BRWD1: variants seen among roughly 807,000 people sequenced by gnomAD.
The protein encoded by BRWD1 is bromodomain and WD repeat-containing protein 1.
In BRWD1, 82 loss-of-function variants were observed where a neutral mutation model predicts 251.2. The ratio of observed to expected loss-of-function variants is 0.33; its 90% CI spans 0.27 to 0.39. The LOEUF (loss-of-function observed/expected upper bound fraction) is 0.39. Among genes scored for constraint, BRWD1 ranks in the 10% least tolerant of loss-of-function variants. The pLI is 1.00. For missense variants in BRWD1, 2,233 were observed against 2,711.6 expected (o/e 0.82, Z 3.92); for synonymous variants, 918 against 902.8 (o/e 1.02, Z -0.30).
intron 18 of BRWD1, among the ~76,000 whole-genome samples, chr21:39,258,176 T>A (rs896910464): frequency 6.6e-6 from 1 of 152,206 alleles, no homozygotes; most frequent in African/African-American, 2.4e-5. Context: ...ATTACCAATG[T>A]TAAAGCAAAG....
Position 39,187,083 on chromosome 21 carries a change from A to T in BRWD1, c.*9176T>A, listed in dbSNP as rs1372447379. On this transcript the variant is annotated 3_prime_UTR_variant, in exon 41 of 41. Transcript: ENST00000342449. ...CCCTTAAAAAAAGCATTTTTCTATT[A>T]ATATCTTCTAGCTCTTTTTCACTTT... is the stretch of plus-strand genomic sequence containing the variant. The T allele has an allele frequency of 2.5e-6, 4 of 1,596,038 alleles. No individual in the cohort carries two copies. The highest frequency in any genetic ancestry group is 2.6e-6 in the Non-Finnish European group (3 of 1,175,444).
chr21:39,215,248 T>A lies in BRWD1; in HGVS notation c.3774A>T (p.Leu1258Phe). The change falls in exon 32 of 41, where the codon TTA becomes TTT. Residue 1258 changes from leucine (L) to phenylalanine (F), a missense_variant. By Grantham distance (22) the Leu-to-Phe change is conservative. Transcript: ENST00000342449. ...RSAKKITDQL[L>F]KFIKNQHCTN... ...ATGAAATTACTTACTTGATAAATTTTAAAAGTTGGTCAGTTATCTTTTTAG... is the reference window on the plus strand; with the variant it reads ...ATGAAATTACTTACTTGATAAATTTAAAAAGTTGGTCAGTTATCTTTTTAG... 1 of 1,611,482 alleles carries A rather than the reference T, an allele frequency of 6.2e-7. No individual in the cohort carries two copies. The highest frequency in any genetic ancestry group is 1.1e-5 in the South Asian group (1 of 90,994).
intron 8 of BRWD1, among the ~76,000 whole-genome samples, chr21:39,291,789 T>C (rs1405277795): frequency 1.3e-5 from 2 of 152,214 alleles, no homozygotes; most frequent in African/African-American, 4.8e-5. Context: ...CTGCACACCC[T>C]GTGCTCCATC....
rs2036600851 is a variant in BRWD1 at position 39,313,605 on chromosome 21, C to CGCG, written c.-115_-114insCGC. ...CTCAGGCGCGCGCCGCCGCCGCCGCCGCCGCCGCCATACCGTGCGCGCCGC... is the reference window on the plus strand; with the variant it reads ...CTCAGGCGCGCGCCGCCGCCGCCGCCGCGGCCGCCGCCATACCGTGCGCGCCGC... On this transcript the variant is annotated 5_prime_UTR_variant, in exon 1 of 41. Coordinates refer to ENST00000342449, the MANE Select transcript of BRWD1 (RefSeq NM_033656.4). 4 of 856,612 alleles carry CGCG rather than the reference C, an allele frequency of 4.7e-6. No individual in the cohort carries two copies. The South Asian group carries it at 1.3e-4, about 27-fold the overall frequency. The allele number at this position is 856,612 out of a possible 1,614,324, so 53.1% of individuals were successfully genotyped here. A position where few individuals can be genotyped will look rare whatever the true frequency, so the allele number is the denominator to read the frequency against.
At chr21:39,302,462 T>C (rs555277832) in intron 4 of BRWD1, among the ~76,000 whole-genome samples, 1 of 152,184 alleles carries the variant, frequency 6.6e-6, no homozygotes, top group African/African-American at 2.4e-5. Context: ...TTTTATAATA[T>C]GTGGTAAGGC....
rs1360317308 is a variant in BRWD1 at position 39,196,369 on chromosome 21, G to A, written c.6700C>T (p.Arg2234Cys). The change falls in exon 41 of 41, where the codon CGT becomes TGT. Residue 2234 changes from arginine (R) to cysteine (C), a missense_variant. Coordinates refer to ENST00000342449, the MANE Select transcript of BRWD1 (RefSeq NM_033656.4). ...TGATTTCTCGTTTTTATTTTTGAAC[G>A]TCGAAGAACTCTTTTAGATTTTGCA... is the stretch of plus-strand genomic sequence containing the variant. ...DYAKSKRVLR[R>C]SKIKTRNQGR... is the part of the protein sequence containing the mutation. The A allele has an allele frequency of 2.5e-6, 4 of 1,613,516 alleles. No homozygotes were observed. The highest frequency in any genetic ancestry group is 2.5e-6 in the Non-Finnish European group (3 of 1,179,648).
At chr21:39,316,227 A>G (rs375761420), upstream of BRWD1, among the ~76,000 whole-genome samples, 2 of 152,356 alleles carry the variant, frequency 1.3e-5, no homozygotes, top group East Asian at 3.9e-4. Context: ...AGAAGTATGT[A>G]GGACAGTAAA....
intron 7 of BRWD1, among the ~76,000 whole-genome samples, chr21:39,294,603 G>A (rs144126585): frequency 2.0e-4 from 30 of 151,158 alleles, no homozygotes; most frequent in Admixed American, 3.3e-4. Context: ...TGCAGTGAGC[G>A]GAGATTGCGC....
intron 8 of BRWD1, among the ~76,000 whole-genome samples, chr21:39,289,938 T>C (rs917551319): frequency 6.8e-6 from 1 of 147,624 alleles, no homozygotes; most frequent in Non-Finnish European, 1.5e-5. Flanking sequence ...GGCAGGAGAA[T>C]GGCGTGAACC....
chr21:39,313,298 C>G lies in BRWD1; in HGVS notation c.51G>C (p.Glu17Asp). Reference sequence around the variant, plus strand: ...GGTACCGGGCGATAAGGAAGTACAGCTCTGCGGGAAGACAAGGAGTCAGGT... The same window carrying G: ...GGTACCGGGCGATAAGGAAGTACAGGTCTGCGGGAAGACAAGGAGTCAGGT... ...ARRPVPLIESELYFLIARYLS... is the reference protein window; with the variant it reads ...ARRPVPLIESDLYFLIARYLS... The change falls in exon 2 of 41, where the codon GAG (glutamate) becomes GAC (aspartate). Residue 17 changes from glutamate to aspartate, a missense_variant and splice_region_variant. Physicochemically the swap from Glu to Asp is conservative, Grantham distance 45. Coordinates refer to ENST00000342449, the MANE Select transcript of BRWD1 (RefSeq NM_033656.4). 1.3e-6 allele frequency: 2 copies of G among 1,552,024 alleles called. No homozygotes were observed. The highest frequency in any genetic ancestry group is 1.8e-6 in the Non-Finnish European group (2 of 1,142,230).
Position 39,194,808 on chromosome 21 carries a change from C to G in BRWD1, c.*1451G>C. 2 of 1,534,606 alleles carry G rather than the reference C, an allele frequency of 1.3e-6. No homozygotes were observed. The highest frequency in any genetic ancestry group is 1.7e-6 in the Non-Finnish European group (2 of 1,145,684). On this transcript the variant is annotated 3_prime_UTR_variant, in exon 41 of 41. Transcript: ENST00000342449. The stretch of plus-strand genomic sequence containing the variant: ...AACATTGTCTAATATTGATACCAGT[C>G]TGATGCTTCACCTTATCTGCCACTT...
chr21:39,284,643 A>G (rs1475532770), intron 8 of BRWD1, among the ~76,000 whole-genome samples: 4 of 152,126 alleles, frequency 2.6e-5, no homozygotes, highest in African/African-American at 9.7e-5. Flanking sequence ...GTAGTATCTC[A>G]CTGTGGTTTT....
intron 32 of BRWD1, 128 bp from the exon 33 acceptor site, chr21:39,213,681 A>C: frequency 1.8e-6 from 1 of 567,508 alleles, no homozygotes; most frequent in Non-Finnish European, 3.0e-6. Flanking sequence ...GAGGAATATC[A>C]GGTTTTCCCC....
intron 37 of BRWD1, among the ~76,000 whole-genome samples, chr21:39,204,522 A>T (rs1426401456): frequency 7.9e-5 from 12 of 152,216 alleles, no homozygotes; most frequent in Admixed American, 7.9e-4. Context: ...TTCATTTTAC[A>T]TTTCTTTACA....
intron 19 of BRWD1, among the ~76,000 whole-genome samples, chr21:39,252,414 C>G (rs1024989922): frequency 2.6e-5 from 4 of 152,132 alleles, no homozygotes; most frequent in Non-Finnish European, 5.9e-5. Flanking sequence ...GCTTTTATAT[C>G]TATTACTCCA....
At chr21:39,288,720 AAAG>A (rs1463030901) in intron 8 of BRWD1, among the ~76,000 whole-genome samples, 2 of 152,198 alleles carry the variant, frequency 1.3e-5, no homozygotes, top group African/African-American at 4.8e-5. Context: ...AAGCTAGAGA[AAAG>A]AAAATGTTAT....
Position 39,265,089 on chromosome 21 carries a change from A to C in BRWD1, c.1531-70T>G, listed in dbSNP as rs2034877567. On this transcript the variant is annotated intron_variant, in intron 15 of 40. Coordinates refer to ENST00000342449, the MANE Select transcript of BRWD1 (RefSeq NM_033656.4). ...GTGATTTGCTATGTAAACTTTTTTA[A>C]TGTGGATAACCTGTGACAATATATC... 4 of 1,483,784 alleles carry C rather than the reference A, an allele frequency of 2.7e-6. No homozygotes were observed. The Admixed American group carries it at 8.2e-5, about 30-fold the overall frequency. 91.9% of individuals were successfully genotyped at this position (1,483,784 alleles called of 1,614,324 possible).
chr21:39,261,174 G>A (rs1373736234), intron 17 of BRWD1, among the ~76,000 whole-genome samples: 5 of 151,596 alleles, frequency 3.3e-5, no homozygotes, highest in South Asian at 2.1e-4. Flanking sequence ...GCAATAAGCC[G>A]AGATCACACC....
chr21:39,289,881 C>T (rs1018372485), intron 8 of BRWD1, among the ~76,000 whole-genome samples: 12 of 151,788 alleles, frequency 7.9e-5, no homozygotes, highest in Admixed American at 2.6e-4. Flanking sequence ...AAAAATTAGC[C>T]GGACGTGGTG....
Sources: gnomAD v4.1 joint callset for allele counts (sites outside exome capture counted in the v4.1 genomes callset) on GRCh38, gnomAD v4.1.1 for gene constraint, MANE v1.5 for transcripts, NCBI Gene and HGNC (gene_info 2026-07-23, HGNC 2026-07-21) for gene names.